The following B3GALT5 variants were observed in gnomAD, a reference collection of about 807,000 sequenced individuals.
B3GALT5 encodes beta-1,3-galactosyltransferase 5, also known as UDP-Gal:betaGlcNAc beta 1,3-galactosyltransferase, polypeptide 5.
For missense variants in B3GALT5, 328 were observed against 396.6 expected (o/e 0.83, Z 1.47); for synonymous variants, 156 against 158.6 (o/e 0.98, Z 0.12).
intron 1 of B3GALT5, among the ~76,000 whole-genome samples, chr21:39,637,582 G>A (rs2079237547): frequency 6.6e-6 from 1 of 152,246 alleles, no homozygotes; most frequent in Non-Finnish European, 1.5e-5. Flanking sequence ...TGTCCTTGAT[G>A]GCTACCCCGC....
intron 1 of B3GALT5, among the ~76,000 whole-genome samples, chr21:39,645,539 GGT>G (rs922095070): frequency 6.6e-6 from 1 of 152,180 alleles, no homozygotes; most frequent in African/African-American, 2.4e-5. Context: ...GCAGTGGTTT[GGT>G]GTGTGTGGAG....
rs1220708701 is a variant in B3GALT5, at chr21:39,663,497, T to G, written c.*2005T>G. On this transcript the variant is annotated 3_prime_UTR_variant, in exon 4 of 4. Coordinates refer to ENST00000684187, the MANE Select transcript of B3GALT5 (RefSeq NM_001356336.2). ...CCTCTTCTTTTCTTTTCTTTTTTTC[T>G]GACAGGGTCTCACCCTGTCACCCAA... 1 of 149,316 alleles carries G rather than the reference T, an allele frequency of 6.7e-6. No homozygotes were observed. The highest frequency in any genetic ancestry group is 2.4e-5 in the African/African-American group (1 of 40,880). The allele number at this position is 149,316 out of a possible 1,614,324, so 9.2% of individuals were successfully genotyped here.
intron 1 of B3GALT5, among the ~76,000 whole-genome samples, chr21:39,635,467 A>G (rs945166042): frequency 1.3e-5 from 2 of 152,094 alleles, no homozygotes; most frequent in East Asian, 3.9e-4. Context: ...AATAGGGATT[A>G]TCTTCCATGC....
intron 1 of B3GALT5, among the ~76,000 whole-genome samples, chr21:39,622,455 T>C (rs1314450198): frequency 6.6e-6 from 1 of 152,014 alleles, no homozygotes; most frequent in Non-Finnish European, 1.5e-5. Flanking sequence ...TATATTATAC[T>C]ATCTATATTA....
chr21:39,633,634 A>G (rs1269324974), intron 1 of B3GALT5, among the ~76,000 whole-genome samples: 1 of 152,228 alleles, frequency 6.6e-6, no homozygotes, highest in Non-Finnish European at 1.5e-5. Context: ...AGAGCTTTTC[A>G]GTGGCTCAGG....
At chr21:39,657,686 TA>T in intron 2 of B3GALT5, 3 of 397,956 alleles carry the variant, frequency 7.5e-6, no homozygotes, top group Non-Finnish European at 1.3e-5. Flanking sequence ...TCTATCTGTC[TA>T]CCTACCGACT....
chr21:39,645,483 C>T (rs142732881), intron 1 of B3GALT5, among the ~76,000 whole-genome samples: 126 of 152,264 alleles, frequency 8.3e-4, no homozygotes, highest in African/African-American at 3.0e-3. Flanking sequence ...ATGATGGATG[C>T]GTTGGTTTCC....
chr21:39,639,351 C>CT (rs1569212202), intron 1 of B3GALT5, among the ~76,000 whole-genome samples: 976 of 63,382 alleles, frequency 0.015, 3 homozygotes, highest in South Asian at 0.023. Context: ...TCTTTCTTTC[C>CT]TTCCTTCCTT....
At chr21:39,655,988 G>A (rs1441206480) in intron 2 of B3GALT5, among the ~76,000 whole-genome samples, 5 of 152,188 alleles carry the variant, frequency 3.3e-5, no homozygotes, top group Non-Finnish European at 7.3e-5. Flanking sequence ...TTGTTTATAC[G>A]TGGTGCCTGT....
rs2146231779 is a variant in B3GALT5 at position 39,667,770 on chromosome 21, G to A, written c.*6278G>A. 6.6e-6 allele frequency: 1 copy of A among 152,352 alleles called. No homozygotes were observed. The highest frequency in any genetic ancestry group is 1.9e-4 in the East Asian group (1 of 5,174). The allele number at this position is 152,352 out of a possible 1,614,324, so 9.4% of individuals were successfully genotyped here. A position where few individuals can be genotyped will look rare whatever the true frequency, so the allele number is the denominator to read the frequency against. Reference sequence around the variant, plus strand: ...GGGCCCATGGGAGGATACTAACTGGGGAAGAGGAGACCTTGCTTCCAGGGC... The same window carrying A: ...GGGCCCATGGGAGGATACTAACTGGAGAAGAGGAGACCTTGCTTCCAGGGC... On this transcript the variant is annotated 3_prime_UTR_variant, in exon 4 of 4. Transcript: ENST00000684187.
rs1188068021 is a variant in B3GALT5 at position 39,664,453 on chromosome 21, C to CT, written c.*2962dup. ...TGTGGCCTCACTCTCGTCCTACCAC[C>CT]TGCTGTCCCCTCTGCTGGATCACCC... On this transcript the variant is annotated 3_prime_UTR_variant, in exon 4 of 4. Transcript: ENST00000684187. 6.5e-6 allele frequency: 1 copy of CT among 152,910 alleles called. No homozygotes were observed. The highest frequency in any genetic ancestry group is 1.5e-5 in the Non-Finnish European group (1 of 68,426). 9.5% of individuals were successfully genotyped at this position (152,910 alleles called of 1,614,324 possible).
At chr21:39,643,723 A>G (rs570114130) in intron 1 of B3GALT5, among the ~76,000 whole-genome samples, 1 of 152,168 alleles carries the variant, frequency 6.6e-6, no homozygotes, top group Admixed American at 6.5e-5. Context: ...GCTTTTTATT[A>G]TGTGTGCTTA....
At chr21:39,641,992 A>G (rs2079293956) in intron 1 of B3GALT5, among the ~76,000 whole-genome samples, 2 of 152,226 alleles carry the variant, frequency 1.3e-5, no homozygotes, top group African/African-American at 2.4e-5. Flanking sequence ...TCCATTTTAC[A>G]TATGAAAAGT....
rs1051986883 is a variant in B3GALT5, at chr21:39,625,022, C to T, written c.-392+11955C>T. On this transcript the variant is annotated intron_variant, in intron 1 of 3. Coordinates refer to ENST00000684187, the MANE Select transcript of B3GALT5 (RefSeq NM_001356336.2). ...CTCTGGGTTCTTCTTTGACGGCTGGCTCTCAACTCCACATTGTAGACTATG... is the reference window on the plus strand; with the variant it reads ...CTCTGGGTTCTTCTTTGACGGCTGGTTCTCAACTCCACATTGTAGACTATG... 2.0e-5 allele frequency among the ~76,000 whole-genome samples: 3 copies of T among 152,176 alleles called. No homozygotes were observed. In the South Asian group the frequency reaches 6.2e-4, roughly 32 times the overall value.
rs1294805951 is a variant in B3GALT5 at position 39,648,803 on chromosome 21, CG to C, written c.-161+2182del. On this transcript the variant is annotated intron_variant, in intron 2 of 3. Coordinates refer to ENST00000684187, the MANE Select transcript of B3GALT5 (RefSeq NM_001356336.2). ...GAGCTGAGTAGGTTCAGTGAGGTCCCGAGGGTGGAGCGCTCGTGATGAGATG... is the reference window on the plus strand; with the variant it reads ...GAGCTGAGTAGGTTCAGTGAGGTCCCAGGGTGGAGCGCTCGTGATGAGATG... Among the ~76,000 whole-genome samples, 10 of 149,986 alleles carry C rather than the reference CG, an allele frequency of 6.7e-5. No individual in the cohort carries two copies. The East Asian group carries it at 2.0e-3, about 29-fold the overall frequency.
intron 1 of B3GALT5, among the ~76,000 whole-genome samples, chr21:39,621,594 G>T (rs894066677): frequency 6.6e-6 from 1 of 151,744 alleles, no homozygotes; most frequent in African/African-American, 2.4e-5. Context: ...GTTTATTTAG[G>T]TTCTATTTCC....
At chr21:39,636,488 C>G (rs1260666218) in intron 1 of B3GALT5, among the ~76,000 whole-genome samples, 1 of 152,094 alleles carries the variant, frequency 6.6e-6, no homozygotes, top group Admixed American at 6.5e-5. Flanking sequence ...TCCAACCCCC[C>G]TGTTGTTGCT....
chr21:39,660,457 GT>G lies in B3GALT5; in HGVS notation c.1-100del, dbSNP rs2079500773. ...CTTCTGTATGCAGCGAGGTTCTAGAGTTTCCAAAACACGGGTCTCCTCTCCC... is the reference window on the plus strand; with the variant it reads ...CTTCTGTATGCAGCGAGGTTCTAGAGTTCCAAAACACGGGTCTCCTCTCCC... On this transcript the variant is annotated intron_variant, in intron 3 of 3. Transcript: ENST00000684187. 4 of 1,045,818 alleles carry G rather than the reference GT, an allele frequency of 3.8e-6. No individual in the cohort carries two copies. The East Asian group carries it at 1.1e-4, about 29-fold the overall frequency. The allele number at this position is 1,045,818 out of a possible 1,614,324, so 64.8% of individuals were successfully genotyped here.
intron 2 of B3GALT5, among the ~76,000 whole-genome samples, chr21:39,656,994 G>C (rs1405477513): frequency 6.6e-6 from 1 of 152,256 alleles, no homozygotes; most frequent in African/African-American, 2.4e-5. Context: ...CCTAGGCAGA[G>C]GGCGGGAGCC....
Sources: gnomAD v4.1 joint callset for allele counts (sites outside exome capture counted in the v4.1 genomes callset) on GRCh38, gnomAD v4.1.1 for gene constraint, MANE v1.5 for transcripts, NCBI Gene and HGNC (gene_info 2026-07-23, HGNC 2026-07-21) for gene names.